Variants in IQCK observed in about 807,000 individuals in gnomAD.
IQCK encodes the protein IQ motif containing K, also known as IQ domain-containing protein K.
A neutral mutation model predicts 28.1 loss-of-function variants in IQCK; 29 were observed. The ratio of observed to expected loss-of-function variants is 1.03; its 90% CI spans 0.77 to 1.41. The LOEUF (loss-of-function observed/expected upper bound fraction) is 1.41, where lower values mean the gene tolerates loss of function less well. IQCK is among the 40% of genes most tolerant of loss of function. IQCK has a pLI of 0.00. For missense variants in IQCK, 359 were observed against 314.7 expected (o/e 1.14, Z -1.07); for synonymous variants, 113 against 115.1 (o/e 0.98, Z 0.12).
rs146149634 is a variant in IQCK at position 19,833,276 on chromosome 16, T to C, written c.802+6139T>C. The stretch of plus-strand genomic sequence containing the variant: ...AGTTTCTTAGGAAAACCTGCCAAAG[T>C]AAGATGGAAATAGAATCTATTACAT... On this transcript the variant is annotated intron_variant, in intron 9 of 9. Transcript: ENST00000320394. 2.0e-5 allele frequency among the ~76,000 whole-genome samples: 3 copies of C among 152,276 alleles called. No homozygotes were observed. The East Asian group carries it at 5.8e-4, about 29-fold the overall frequency.
At chr16:19,786,442 A>C (rs184556441) in intron 6 of IQCK, among the ~76,000 whole-genome samples, 1 of 148,400 alleles carries the variant, frequency 6.7e-6, no homozygotes, top group Admixed American at 6.6e-5. Flanking sequence ...TCATGCCTGT[A>C]ATCCCAGCAC....
At chr16:19,720,086 T>C (rs1977443493) in intron 1 of IQCK, among the ~76,000 whole-genome samples, 1 of 152,168 alleles carries the variant, frequency 6.6e-6, no homozygotes, top group African/African-American at 2.4e-5. Context: ...TGTACCAGTA[T>C]ATGCGATGAC....
At chr16:19,737,647 G>A (rs954597626) in intron 4 of IQCK, among the ~76,000 whole-genome samples, 28 of 152,184 alleles carry the variant, frequency 1.8e-4, no homozygotes, top group African/African-American at 6.5e-4. Context: ...TCCACATAAC[G>A]AAGTCACTAG....
chr16:19,726,163 C>A (rs1459085902), intron 1 of IQCK, among the ~76,000 whole-genome samples: 1 of 151,472 alleles, frequency 6.6e-6, no homozygotes, highest in African/African-American at 2.4e-5. Flanking sequence ...ATCCGCCCGC[C>A]TCGGCCTCCC....
At chr16:19,757,986 G>T (rs939018953) in intron 4 of IQCK, among the ~76,000 whole-genome samples, 4 of 152,068 alleles carry the variant, frequency 2.6e-5, no homozygotes, top group Admixed American at 1.3e-4. Flanking sequence ...TTGACACCTA[G>T]TCTTTTTCCT....
At chr16:19,810,675 G>A (rs886690826) in intron 7 of IQCK, among the ~76,000 whole-genome samples, 1 of 151,638 alleles carries the variant, frequency 6.6e-6, no homozygotes, top group Non-Finnish European at 1.5e-5. Context: ...GCACAGTGGT[G>A]GGCGCCTGTA....
At chr16:19,822,992 G>A (rs938288124) in intron 7 of IQCK, among the ~76,000 whole-genome samples, 1 of 152,132 alleles carries the variant, frequency 6.6e-6, no homozygotes, top group Non-Finnish European at 1.5e-5. Flanking sequence ...ATCAATAGGG[G>A]ATAGACGAGA....
chr16:19,842,439 A>G (rs1056770102), intron 9 of IQCK, among the ~76,000 whole-genome samples: 1 of 152,200 alleles, frequency 6.6e-6, no homozygotes, highest in African/African-American at 2.4e-5. Flanking sequence ...TTTTCCCTGA[A>G]TTTGCCAAGG....
chr16:19,780,084 C>A (rs896044787), intron 6 of IQCK, among the ~76,000 whole-genome samples: 2 of 150,784 alleles, frequency 1.3e-5, no homozygotes, highest in African/African-American at 4.9e-5. Flanking sequence ...GCTCTGTCAT[C>A]CAGCTGGAGT....
intron 7 of IQCK, among the ~76,000 whole-genome samples, chr16:19,824,033 C>T (rs2056110105): frequency 1.3e-5 from 2 of 152,112 alleles, no homozygotes; most frequent in Admixed American, 1.3e-4. Context: ...AACAGTTTTT[C>T]CATGGATGAG....
rs938021699 is a variant in IQCK, at chr16:19,807,851, G to A, written c.690+18929G>A. On this transcript the variant is annotated intron_variant, in intron 7 of 7. Coordinates refer to ENST00000564186, the Ensembl canonical transcript of IQCK. ...TGCACAGTGCTTGGCACATGGTTAA[G>A]GGCTCATAAGTATTAGCTCTGTATT... Among the ~76,000 whole-genome samples, 4 of 152,186 alleles carry A rather than the reference G, an allele frequency of 2.6e-5. No homozygotes were observed. In the East Asian group the frequency reaches 7.7e-4, roughly 29 times the overall value.
chr16:19,762,724 T>G (rs961249659), intron 4 of IQCK, among the ~76,000 whole-genome samples: 3 of 152,010 alleles, frequency 2.0e-5, no homozygotes, highest in East Asian at 3.9e-4. Flanking sequence ...AAAATCCACT[T>G]ATAACTTTGG....
At position 19,851,515 on chromosome 16, in the gene IQCK, G is replaced by A. The variant is rs537688112; in HGVS notation, c.803-4972G>A. Among the ~76,000 whole-genome samples, 9 of 152,286 alleles carry A rather than the reference G, an allele frequency of 5.9e-5. No homozygotes were observed. The South Asian group carries it at 1.4e-3, about 25-fold the overall frequency. ...TGGCTGGGAGGTTTTTCTCTGGGCT[G>A]TGAATTGAATTCTCAGTCCTGTCAC... On this transcript the variant is annotated intron_variant, in intron 9 of 9. Transcript: ENST00000320394.
At chr16:19,771,917 C>T (rs1325326775) in intron 6 of IQCK, among the ~76,000 whole-genome samples, 3 of 151,950 alleles carry the variant, frequency 2.0e-5, no homozygotes, top group South Asian at 2.1e-4. Flanking sequence ...GTGGTGAAAC[C>T]GACAGGGAAT....
chr16:19,828,549 C>T (rs1362906710), downstream of IQCK, among the ~76,000 whole-genome samples: 1 of 151,786 alleles, frequency 6.6e-6, no homozygotes, highest in Non-Finnish European at 1.5e-5. Flanking sequence ...GATATGTTTT[C>T]AAATGGGGAA....
At chr16:19,813,476 C>A (rs2055934606) in intron 7 of IQCK, among the ~76,000 whole-genome samples, 1 of 152,198 alleles carries the variant, frequency 6.6e-6, no homozygotes, top group Non-Finnish European at 1.5e-5. Flanking sequence ...GACTTCCAAT[C>A]AGCAGCAGTA....
intron 7 of IQCK, among the ~76,000 whole-genome samples, chr16:19,822,102 A>C (rs1373038298): frequency 1.3e-5 from 2 of 150,540 alleles, no homozygotes; most frequent in South Asian, 2.1e-4. Context: ...AAAACAAAAA[A>C]AAACGGCCAA....
chr16:19,826,107 A>C (rs1297378530), intron 7 of IQCK, among the ~76,000 whole-genome samples: 1 of 151,274 alleles, frequency 6.6e-6, no homozygotes, highest in Non-Finnish European at 1.5e-5. Context: ...CCCAGGCTCA[A>C]GCAATCCTCC....
chr16:19,799,595 T>TACACAC (rs1294252121), intron 7 of IQCK, among the ~76,000 whole-genome samples: 1 of 112,254 alleles, frequency 8.9e-6, no homozygotes, highest in African/African-American at 5.1e-5. Context: ...TATATATATA[T>TACACAC]ATACACACAC....
Sources: allele counts gnomAD v4.1 joint callset (sites outside exome capture counted in the v4.1 genomes callset), GRCh38; gene constraint gnomAD v4.1.1; transcripts MANE v1.5; gene names NCBI Gene and HGNC (gene_info 2026-07-23, HGNC 2026-07-21).